AUTS2: variants seen among roughly 807,000 people sequenced by gnomAD.
The protein encoded by AUTS2 is activator of transcription and developmental regulator AUTS2, also known as autism susceptibility gene 2 protein.
Under a neutral mutation model 112.4 loss-of-function variants are expected in AUTS2, and 17 were observed. The observed-to-expected ratio is 0.15, with a 90% CI of 0.10 to 0.23. The LOEUF (loss-of-function observed/expected upper bound fraction) is 0.23. Among genes scored for constraint, AUTS2 ranks in the 10% least tolerant of loss-of-function variants. The pLI is 1.00. For synonymous variants in AUTS2, 751 were observed against 702.7 expected, an observed-to-expected ratio of 1.07 and a Z score of -1.09; for missense variants, 1,510 against 1,701.6, an observed-to-expected ratio of 0.89 and a Z score of 1.98.
chr7:70,365,747 G>C (rs1047325928), intron 4 of AUTS2, among the ~76,000 whole-genome samples: 1 of 152,218 alleles, frequency 6.6e-6, no homozygotes, highest in Non-Finnish European at 1.5e-5. Context: ...GCCTACTTTA[G>C]TAATGAACCA....
At chr7:70,135,494 A>G (rs1474375550) in intron 4 of AUTS2, among the ~76,000 whole-genome samples, 1 of 152,156 alleles carries the variant, frequency 6.6e-6, no homozygotes, top group Non-Finnish European at 1.5e-5. Context: ...AATTCACTTT[A>G]GTTGCTTTTA....
chr7:70,399,322 A>G (rs1393960860), intron 4 of AUTS2, among the ~76,000 whole-genome samples: 1 of 152,160 alleles, frequency 6.6e-6, no homozygotes, highest in African/African-American at 2.4e-5. Context: ...GACTATGGTG[A>G]ATTATATTCA....
intron 4 of AUTS2, among the ~76,000 whole-genome samples, chr7:70,203,005 AC>A (rs1282856574): frequency 4.1e-4 from 54 of 131,784 alleles, no homozygotes; most frequent in Middle Eastern, 3.6e-3. Flanking sequence ...ACCATGGAAT[AC>A]TATGCAGCCA....
intron 4 of AUTS2, among the ~76,000 whole-genome samples, chr7:70,422,506 G>A (rs1795264546): frequency 6.6e-6 from 1 of 152,202 alleles, no homozygotes; most frequent in Non-Finnish European, 1.5e-5. Context: ...GCCAGGCATA[G>A]TGGCTCATGC....
At chr7:70,556,275 C>T (rs1801246223) in intron 5 of AUTS2, among the ~76,000 whole-genome samples, 1 of 152,136 alleles carries the variant, frequency 6.6e-6, no homozygotes, top group Admixed American at 6.5e-5. Context: ...GAGGTCTGCC[C>T]TCATGACACA....
In AUTS2 at chr7:70,766,362, A is replaced by AT; in HGVS notation, c.1689+29dup. On this transcript the variant is annotated intron_variant, in intron 9 of 18. Coordinates refer to ENST00000342771, the MANE Select transcript of AUTS2 (RefSeq NM_015570.4). This position sits in a 1 kb window ranked among gnomAD's most constrained non-coding sequence, Gnocchi z 4.8. ...GCGTACCCCAGGCAGAAATGTGAGG[A>AT]TAAGTAGAGCACGACTCTTTTCTTT... 1 of 1,612,332 alleles carries AT rather than the reference A, an allele frequency of 6.2e-7. No individual in the cohort carries two copies. Among genetic ancestry groups the AT allele is most frequent in the Admixed American group, 1.7e-5 (1 of 59,998 alleles).
chr7:70,785,247 G>A (rs974224866), intron 16 of AUTS2, among the ~76,000 whole-genome samples: 4 of 152,226 alleles, frequency 2.6e-5, no homozygotes, highest in Admixed American at 6.5e-5. Flanking sequence ...GCTCGGCAGT[G>A]GTTCTGCCTG....
At chr7:69,929,395 C>T (rs1228384688) in intron 2 of AUTS2, among the ~76,000 whole-genome samples, 1 of 151,830 alleles carries the variant, frequency 6.6e-6, no homozygotes, top group Non-Finnish European at 1.5e-5. Context: ...ATCTAGGATT[C>T]ATCATTTTTA....
chr7:70,224,067 C>A (rs1473180570), intron 4 of AUTS2, among the ~76,000 whole-genome samples: 1 of 152,100 alleles, frequency 6.6e-6, no homozygotes, highest in African/African-American at 2.4e-5. Context: ...GTAATCCCAA[C>A]ATTTTAAGAG....
chr7:70,041,039 T>A (rs1801224910), intron 2 of AUTS2, among the ~76,000 whole-genome samples: 1 of 152,142 alleles, frequency 6.6e-6, no homozygotes, highest in African/African-American at 2.4e-5. Context: ...GAGTGACCAA[T>A]GAGAAAATAG....
intron 2 of AUTS2, among the ~76,000 whole-genome samples, chr7:69,989,677 A>G (rs539757820): frequency 1.3e-5 from 2 of 152,284 alleles, no homozygotes; most frequent in East Asian, 3.9e-4. Context: ...GCAACTGGAC[A>G]TCAAGTAGAC....
intron 1 of AUTS2, among the ~76,000 whole-genome samples, chr7:69,724,976 A>AT (rs951882592): frequency 1.3e-5 from 2 of 152,186 alleles, no homozygotes; most frequent in South Asian, 2.1e-4. Context: ...CAAAGGTAGG[A>AT]TTTTTTTAAA....
At chr7:70,695,381 C>T (rs1331987650) in intron 5 of AUTS2, among the ~76,000 whole-genome samples, 3 of 152,212 alleles carry the variant, frequency 2.0e-5, no homozygotes, top group Admixed American at 2.0e-4. Flanking sequence ...AGCTGGGGGC[C>T]CTAGCGTGGC....
chr7:69,735,171 T>A (rs1043042830), intron 1 of AUTS2, among the ~76,000 whole-genome samples: 1 of 152,214 alleles, frequency 6.6e-6, no homozygotes, highest in East Asian at 1.9e-4. Context: ...TAAACCTTTA[T>A]GTAGGATAAT....
At chr7:70,198,645 A>C (rs868422801) in intron 4 of AUTS2, among the ~76,000 whole-genome samples, 992 of 72,178 alleles carry the variant, frequency 0.014, 15 homozygotes, top group Middle Eastern at 0.028. Context: ...TAGAGAAAAA[A>C]GAATAAAAAG....
At chr7:70,647,012 A>C (rs1420010622) in intron 5 of AUTS2, among the ~76,000 whole-genome samples, 1 of 152,184 alleles carries the variant, frequency 6.6e-6, no homozygotes, top group Non-Finnish European at 1.5e-5. Context: ...GCTGAGCTGC[A>C]AGGTCTTTAG....
intron 1 of AUTS2, among the ~76,000 whole-genome samples, chr7:69,644,027 G>C (rs921438918): frequency 2.6e-5 from 4 of 152,200 alleles, no homozygotes; most frequent in African/African-American, 9.7e-5. Flanking sequence ...GCCAGGAAGA[G>C]AGCCCCCACC....
In AUTS2 at chr7:69,747,784, GGTGTGT is replaced by G. The variant is rs10695531; in HGVS notation, c.309+147849_309+147854del. Among the ~76,000 whole-genome samples, 47 of 144,604 alleles carry G rather than the reference GGTGTGT, an allele frequency of 3.3e-4. 1 individual carries two copies. Among genetic ancestry groups the G allele is most frequent in the South Asian group, 1.1e-3 (5 of 4,472 alleles). The allele number at this position is 144,604 out of a possible 152,430, so 94.9% of individuals were successfully genotyped here. ...TGTGACAGACAGAGAGAAGGAGAGG[GGTGTGT>G]GTGTGTGTGTGTGTGTGTGTGTGTG... is the stretch of plus-strand genomic sequence containing the variant. On this transcript the variant is annotated intron_variant, in intron 1 of 18. Coordinates refer to ENST00000342771, the MANE Select transcript of AUTS2 (RefSeq NM_015570.4).
intron 2 of AUTS2, among the ~76,000 whole-genome samples, chr7:69,995,845 AT>A (rs1798922736): frequency 6.6e-6 from 1 of 152,190 alleles, no homozygotes; most frequent in Non-Finnish European, 1.5e-5. Flanking sequence ...AGCCAGGAGC[AT>A]TTTAGGAAGC....
Sources: allele counts gnomAD v4.1 joint callset (sites outside exome capture counted in the v4.1 genomes callset), GRCh38; gene constraint gnomAD v4.1.1; non-coding constraint Gnocchi (gnomAD v3.1); transcripts MANE v1.5; gene names NCBI Gene and HGNC (gene_info 2026-07-23, HGNC 2026-07-21).